FRMD4A: variants seen among roughly 807,000 people sequenced by gnomAD.
The protein encoded by FRMD4A is FERM domain containing 4A.
In FRMD4A, 29 loss-of-function variants were observed where a neutral mutation model predicts 129.1. The ratio of observed to expected loss-of-function variants is 0.22; its 90% confidence interval spans 0.17 to 0.31. The LOEUF (loss-of-function observed/expected upper bound fraction) is 0.31. Ranked by LOEUF, FRMD4A falls within the 10% of genes least tolerant of loss-of-function variation. The pLI is 1.00. For synonymous variants in FRMD4A, 634 were observed against 571.6 expected, an observed-to-expected ratio of 1.11 and a Z score of -1.56; for missense variants, 1,272 against 1,375.8, an observed-to-expected ratio of 0.92 and a Z score of 1.19.
chr10:14,315,568 A>G (rs932008920), intron 2 of FRMD4A, among the ~76,000 whole-genome samples: 1 of 152,104 alleles, frequency 6.6e-6, no homozygotes, highest in Admixed American at 6.5e-5. Context: ...TGCAAATCTG[A>G]TTATTTTGTT....
intron 2 of FRMD4A, among the ~76,000 whole-genome samples, chr10:14,277,280 G>A (rs1371298694): frequency 6.6e-6 from 1 of 152,192 alleles, no homozygotes; most frequent in African/African-American, 2.4e-5. Flanking sequence ...GCTCTGGTCT[G>A]AGTAATTATG....
chr10:13,697,493 C>T (rs532017905), intron 14 of FRMD4A, among the ~76,000 whole-genome samples: 23 of 152,246 alleles, frequency 1.5e-4, no homozygotes, highest in African/African-American at 3.4e-4. Flanking sequence ...CTAACAGACT[C>T]GGTGGGGAGA....
At chr10:13,654,335 A>G (rs55879243) in intron 23 of FRMD4A, 81 bp downstream of exon 23, 1 of 932,978 alleles carries the variant, frequency 1.1e-6, no homozygotes, top group African/African-American at 1.6e-5. Context: ...ATTTACTGAC[A>G]TATCCTTATG....
At chr10:13,793,188 G>A (rs1012471467) in intron 5 of FRMD4A, among the ~76,000 whole-genome samples, 15 of 82,430 alleles carry the variant, frequency 1.8e-4, no homozygotes, top group Non-Finnish European at 3.3e-4. Flanking sequence ...TTTTTTTTTT[G>A]TGAGATGGGG....
intron 2 of FRMD4A, among the ~76,000 whole-genome samples, chr10:14,146,311 C>T (rs939110294): frequency 6.6e-5 from 10 of 152,296 alleles, no homozygotes; most frequent in South Asian, 2.1e-4. Context: ...TCCTACAAGA[C>T]GTGGAAAATA....
intron 2 of FRMD4A, among the ~76,000 whole-genome samples, chr10:14,060,584 T>C (rs914310989): frequency 2.6e-5 from 4 of 152,226 alleles, no homozygotes; most frequent in African/African-American, 9.6e-5. Context: ...ATTTTATTTC[T>C]GCTTCTACTT....
In FRMD4A at chr10:14,067,164, A is replaced by G. The variant is rs968574222; in HGVS notation, c.46-208252T>C. 3.9e-5 allele frequency among the ~76,000 whole-genome samples: 6 copies of G among 151,922 alleles called. No homozygotes were observed. The East Asian group carries it at 1.2e-3, about 30-fold the overall frequency. On this transcript the variant is annotated intron_variant, in intron 2 of 24. Coordinates refer to ENST00000357447, the MANE Select transcript of FRMD4A (RefSeq NM_018027.5). Reference sequence around the variant, plus strand: ...AACCCCGTCTCTAATAAAAATACAAAAATTAGCTGGGCGTGGTGGCGGGTG... The same window carrying G: ...AACCCCGTCTCTAATAAAAATACAAGAATTAGCTGGGCGTGGTGGCGGGTG...
intron 2 of FRMD4A, among the ~76,000 whole-genome samples, chr10:14,143,537 T>C (rs1839936449): frequency 1.3e-5 from 2 of 152,238 alleles, no homozygotes; most frequent in South Asian, 2.1e-4. Flanking sequence ...GATGGGGTGA[T>C]AGCAGCGCAA....
intron 2 of FRMD4A, among the ~76,000 whole-genome samples, chr10:14,154,137 G>C (rs746970499): frequency 2.0e-5 from 3 of 152,154 alleles, no homozygotes; most frequent in Non-Finnish European, 4.4e-5. Flanking sequence ...GTTAGGCAGG[G>C]AGGTTCTGTC....
intron 2 of FRMD4A, among the ~76,000 whole-genome samples, chr10:14,202,965 G>A (rs1842683138): frequency 1.3e-5 from 2 of 152,008 alleles, no homozygotes. Flanking sequence ...TAGAGACAGG[G>A]TTTTTCCATG....
At chr10:14,224,367 C>T (rs1843365106) in intron 2 of FRMD4A, among the ~76,000 whole-genome samples, 1 of 152,172 alleles carries the variant, frequency 6.6e-6, no homozygotes, top group African/African-American at 2.4e-5. Context: ...CCACAGTGAC[C>T]TGCATATGTG....
chr10:13,967,791 A>G (rs2095494339), intron 2 of FRMD4A, among the ~76,000 whole-genome samples: 1 of 152,234 alleles, frequency 6.6e-6, no homozygotes, highest in Non-Finnish European at 1.5e-5. Context: ...CACAGCTATA[A>G]TGCCAGCACT....
At chr10:14,239,454 C>T (rs887638843) in intron 2 of FRMD4A, among the ~76,000 whole-genome samples, 11 of 152,032 alleles carry the variant, frequency 7.2e-5, no homozygotes, top group African/African-American at 1.9e-4. Flanking sequence ...GGTGAAACCC[C>T]GTCTCTACTA....
At chr10:13,858,770 T>C in intron 3 of FRMD4A, 77 bp downstream of exon 3, 1 of 845,092 alleles carries the variant, frequency 1.2e-6, no homozygotes, top group Admixed American at 1.7e-5. Context: ...AAATCCCCCT[T>C]CATCCCCAGC....
chr10:14,283,624 C>G (rs939747403), intron 2 of FRMD4A, among the ~76,000 whole-genome samples: 3 of 151,992 alleles, frequency 2.0e-5, no homozygotes, highest in Non-Finnish European at 4.4e-5. Flanking sequence ...GTGTTCAGAC[C>G]CATTTACTCA....
chr10:13,666,911 CTT>C (rs10546068), intron 17 of FRMD4A, among the ~76,000 whole-genome samples: 34,011 of 113,496 alleles, frequency 0.3, 4,009 homozygotes, highest in African/African-American at 0.38. Context: ...CTTTTCTTTT[CTT>C]TTTTTTTTTT....
At chr10:13,735,852 G>A (rs1301953968) in intron 12 of FRMD4A, among the ~76,000 whole-genome samples, 3 of 152,118 alleles carry the variant, frequency 2.0e-5, no homozygotes, top group African/African-American at 7.2e-5. Context: ...CAGTCAGGCA[G>A]GTTGAAAAGA....
At chr10:14,262,229 G>A (rs1844830980) in intron 2 of FRMD4A, among the ~76,000 whole-genome samples, 1 of 152,142 alleles carries the variant, frequency 6.6e-6, no homozygotes, top group Non-Finnish European at 1.5e-5. Flanking sequence ...TGAGCTAAGA[G>A]ATCACTTTCC....
At chr10:14,015,030 TCCTC>T (rs1446453354) in intron 2 of FRMD4A, among the ~76,000 whole-genome samples, 5 of 126,778 alleles carry the variant, frequency 3.9e-5, no homozygotes, top group Non-Finnish European at 5.0e-5. Flanking sequence ...CTTCCTTCCT[TCCTC>T]CCTCCCTTCC....
Sources: gnomAD v4.1 joint callset for allele counts (sites outside exome capture counted in the v4.1 genomes callset) on GRCh38, gnomAD v4.1.1 for gene constraint, MANE v1.5 for transcripts, NCBI Gene and HGNC (gene_info 2026-07-23, HGNC 2026-07-21) for gene names.